Variants in ACD observed in about 807,000 individuals in gnomAD.
The protein encoded by ACD is adrenocortical dysplasia protein homolog.
A neutral mutation model predicts 53.9 loss-of-function variants in ACD; 39 were observed. The observed-to-expected ratio is 0.72, with a 90% CI of 0.56 to 0.95. The LOEUF (loss-of-function observed/expected upper bound fraction) is 0.95, where lower values mean the gene tolerates loss of function less well. Among genes scored for constraint, ACD ranks in the 40% least tolerant of loss-of-function variants. The probability of loss-of-function intolerance (pLI) is 0.00; values close to 1 mark genes in which losing one functional copy is unlikely to be tolerated. For synonymous variants in ACD, 273 were observed against 249.2 expected, an observed-to-expected ratio of 1.10 and a Z score of -0.90; for missense variants, 526 against 587.9, an observed-to-expected ratio of 0.89 and a Z score of 1.09.
chr16:67,658,342 G>C lies in ACD; in HGVS notation c.850C>G (p.His284Asp). 6.2e-7 allele frequency: 1 copy of C among 1,613,720 alleles called. No homozygotes were observed. The highest frequency in any genetic ancestry group is 8.5e-7 in the Non-Finnish European group (1 of 1,179,930). Reference protein sequence around the residue: ...SSSGTPALPGHMSSEESGTSI... With the variant: ...SSSGTPALPGDMSSEESGTSI... ...GTACCACTTTCCTCGGATGACATGT[G>C]GCCGGGTAAGGCCGGGGTTCCTGAG... is the stretch of plus-strand genomic sequence containing the variant. Residue 284 changes from histidine (H) to aspartate (D), a missense_variant, in exon 10 of 12, where the codon CAC becomes GAC. Coordinates refer to ENST00000620761, the MANE Select transcript of ACD (RefSeq NM_001082486.2).
rs900746307 is a variant in ACD at position 67,659,860 on chromosome 16, T to C, written c.242+43A>G. 5.1e-6 allele frequency: 8 copies of C among 1,580,458 alleles called. No individual in the cohort carries two copies. The African/African-American group carries it at 9.4e-5, about 19-fold the overall frequency. ...CACAAGGCCCGCCCACCTCGCGCTC[T>C]CCTGCCGGACTCCGACCTCCAGAGC... is the stretch of plus-strand genomic sequence containing the variant. On this transcript the variant is annotated intron_variant, in intron 2 of 11. Coordinates refer to ENST00000620761, the MANE Select transcript of ACD (RefSeq NM_001082486.2).
chr16:67,660,117 C>T lies in ACD; in HGVS notation c.99+5G>A, dbSNP rs1171357998. 1.2e-6 allele frequency: 2 copies of T among 1,612,494 alleles called. No individual in the cohort carries two copies. The highest frequency in any genetic ancestry group is 1.7e-6 in the Non-Finnish European group (2 of 1,179,898). On this transcript the variant is annotated splice_donor_5th_base_variant and intron_variant, in intron 1 of 11. Transcript: ENST00000620761. ...TCGGTCTCCGGGCCCTGAATGGGGGCTCACCTCAAGCAGCTGCCCGGCTCG... is the reference window on the plus strand; with the variant it reads ...TCGGTCTCCGGGCCCTGAATGGGGGTTCACCTCAAGCAGCTGCCCGGCTCG...
chr16:67,659,220 C>G lies in ACD; in HGVS notation c.493+9G>C. 1 of 1,614,132 alleles carries G rather than the reference C, an allele frequency of 6.2e-7. No individual in the cohort carries two copies. On this transcript the variant is annotated intron_variant, in intron 6 of 11. Transcript: ENST00000620761. Reference sequence around the variant, plus strand: ...GCGTGTTAGGATCACTGGTCAAGCTCTACAGTACCTGCATTGGACGAGGTG... The same window carrying G: ...GCGTGTTAGGATCACTGGTCAAGCTGTACAGTACCTGCATTGGACGAGGTG...
intron 2 of ACD, 42 bp downstream of exon 2, chr16:67,659,861 C>T: frequency 6.3e-7 from 1 of 1,580,984 alleles, no homozygotes; most frequent in Non-Finnish European, 8.6e-7. Context: ...CTCGCGCTCT[C>T]CTGCCGGACT....
At chr16:67,658,680 G>T in intron 8 of ACD, 39 bp from the exon 9 acceptor site, 4 of 1,593,302 alleles carry the variant, frequency 2.5e-6, no homozygotes, top group Non-Finnish European at 3.4e-6. Context: ...CTGTGGACCT[G>T]GGCCCCAGGT....
At position 67,658,748 on chromosome 16, in the gene ACD, G is replaced by A; in HGVS notation, c.714C>T (p.Ser238=). 1 of 1,613,426 alleles carries A rather than the reference G, an allele frequency of 6.2e-7. No individual in the cohort carries two copies. The highest frequency in any genetic ancestry group is 8.5e-7 in the Non-Finnish European group (1 of 1,179,666). Residue 238 remains serine (S), a synonymous_variant, in exon 8 of 12, where the codon AGC becomes AGT. Coordinates refer to ENST00000620761, the MANE Select transcript of ACD (RefSeq NM_001082486.2). The part of the protein sequence containing the change: ...CISENDQLIL[S]SLGPCQRTQG... ...GTGTCCTCTGACAGGGGCCTAGAGA[G>A]CTCAGAATTAGCTGGTCATTCTCAG... is the stretch of plus-strand genomic sequence containing the variant.
intron 6 of ACD, 41 bp downstream of exon 6, chr16:67,659,188 C>G (rs775693267): frequency 6.2e-7 from 1 of 1,613,850 alleles, no homozygotes; most frequent in Admixed American, 1.7e-5. Context: ...GGAGAGATCA[C>G]TGCACAGCGT....
rs770264226 is a variant in ACD at position 67,657,701 on chromosome 16, G to A, written c.1299-17C>T. The A allele has an allele frequency of 5.6e-6, 9 of 1,614,084 alleles. No individual in the cohort carries two copies. The highest frequency in any genetic ancestry group is 3.3e-4 in the Middle Eastern group (2 of 6,062). Reference sequence around the variant, plus strand: ...GGAGGAAGCCTGGAAAGAAACCACCGCTGCAGGTCAATGGAGCCTGGGACT... The same window carrying A: ...GGAGGAAGCCTGGAAAGAAACCACCACTGCAGGTCAATGGAGCCTGGGACT... On this transcript the variant is annotated splice_polypyrimidine_tract_variant and intron_variant, in intron 11 of 11. Coordinates refer to ENST00000620761, the MANE Select transcript of ACD (RefSeq NM_001082486.2). This position sits in a 1 kb window ranked among gnomAD's most constrained non-coding sequence, Gnocchi z 4.5.
In ACD at chr16:67,657,700, C is replaced by T. The variant is rs746378955; in HGVS notation, c.1299-16G>A. On this transcript the variant is annotated splice_polypyrimidine_tract_variant and intron_variant, in intron 11 of 11. Coordinates refer to ENST00000620761, the MANE Select transcript of ACD (RefSeq NM_001082486.2). The surrounding 1 kb of genome is among the most constrained non-coding windows in gnomAD (Gnocchi z 4.5). ...GGGAGGAAGCCTGGAAAGAAACCAC[C>T]GCTGCAGGTCAATGGAGCCTGGGAC... 3.2e-5 allele frequency: 51 copies of T among 1,614,110 alleles called. No homozygotes were observed. The highest frequency in any genetic ancestry group is 1.8e-4 in the East Asian group (8 of 44,886).
rs769728392 is a variant in ACD, at chr16:67,659,958, C to T, written c.187G>A (p.Gly63Arg). 6.2e-7 allele frequency: 1 copy of T among 1,608,648 alleles called. No individual in the cohort carries two copies. Among genetic ancestry groups the T allele is most frequent in the African/African-American group, 1.3e-5 (1 of 75,010 alleles). The change falls in exon 2 of 12, where the codon GGG becomes AGG. Residue 63 changes from glycine to arginine, a missense_variant. Coordinates refer to ENST00000620761, the MANE Select transcript of ACD (RefSeq NM_001082486.2). ...ACCAGGCATCGGACACTGTGGGTCC[C>T]GTCAGACACAAGCAGCGTGGCCCCG... ...DVGATLLVSD[G>R]THSVRCLVTR...
chr16:67,657,882 G>A lies in ACD; in HGVS notation c.1207-29C>T, dbSNP rs755602761. The A allele has an allele frequency of 3.7e-6, 6 of 1,613,646 alleles. No individual in the cohort carries two copies. In the South Asian group the frequency reaches 5.5e-5, roughly 15 times the overall value. ...AAAGGGGTATGGTGTCTGGGGAAGA[G>A]CTAACAAGGACCCCAACCCCATCCA... On this transcript the variant is annotated intron_variant, in intron 10 of 11. Coordinates refer to ENST00000620761, the MANE Select transcript of ACD (RefSeq NM_001082486.2). The surrounding 1 kb of genome is among the most constrained non-coding windows in gnomAD (Gnocchi z 4.5).
rs1218184476 is a variant in ACD at position 67,660,155 on chromosome 16, T to C, written c.66A>G (p.Thr22=). ...GCTGCCCGGCTCGTGGACTGGAGGG[T>C]GTCTCTGACCCCAGAATCAGCTCCC... is the stretch of plus-strand genomic sequence containing the variant. ...WIRELILGSE[T]PSSPRAGQLL... is the part of the protein sequence containing the mutation. The change falls in exon 1 of 12, where the codon ACA becomes ACG. Residue 22 remains threonine, a synonymous_variant. Transcript: ENST00000620761. The C allele has an allele frequency of 6.2e-7, 1 of 1,612,256 alleles. No homozygotes were observed. Among genetic ancestry groups the C allele is most frequent in the South Asian group, 1.1e-5 (1 of 91,066 alleles).
In ACD at chr16:67,658,290, G is replaced by A. The variant is rs532542932; in HGVS notation, c.902C>T (p.Ser301Phe). 2 of 1,613,862 alleles carry A rather than the reference G, an allele frequency of 1.2e-6. No individual in the cohort carries two copies. The highest frequency in any genetic ancestry group is 2.2e-5 in the South Asian group (2 of 91,088). ...GTSISLLPALSLAAPDPGQRS... is the reference protein window; with the variant it reads ...GTSISLLPALFLAAPDPGQRS... Reference sequence around the variant, plus strand: ...CTGCCCTGGGTCTGGAGCAGCCAAGGACAGGGCAGGCAGAAGGCTGATGCT... The same window carrying A: ...CTGCCCTGGGTCTGGAGCAGCCAAGAACAGGGCAGGCAGAAGGCTGATGCT... The change falls in exon 10 of 12, where the codon TCC (serine) becomes TTC (phenylalanine). Residue 301 changes from serine to phenylalanine, a missense_variant. Physicochemically the swap from Ser to Phe is radical, Grantham distance 155. Coordinates refer to ENST00000620761, the MANE Select transcript of ACD (RefSeq NM_001082486.2).
At position 67,658,660 on chromosome 16, in the gene ACD, C is replaced by T. The variant is rs770033683; in HGVS notation, c.743-19G>A. ...TCAGGGCCTGGGGGGTTCAGGAAGT[C>T]TTATCAGCACTGTGGACCTGGGCCC... On this transcript the variant is annotated intron_variant, in intron 8 of 11. Coordinates refer to ENST00000620761, the MANE Select transcript of ACD (RefSeq NM_001082486.2). 6.3e-7 allele frequency: 1 copy of T among 1,582,688 alleles called. No individual in the cohort carries two copies. The highest frequency in any genetic ancestry group is 8.6e-7 in the Non-Finnish European group (1 of 1,162,156).
At chr16:67,658,865 G>A (rs779133311) in intron 7 of ACD, 49 bp from the exon 8 acceptor site, 3 of 1,603,074 alleles carry the variant, frequency 1.9e-6, no homozygotes, top group Admixed American at 1.7e-5. Context: ...CTCATGTCCT[G>A]TGGGATATGA....
rs1261453540 is a variant in ACD at position 67,657,986 on chromosome 16, C to T, written c.1206G>A (p.Trp402Ter). The T allele has an allele frequency of 6.4e-7, 1 of 1,569,294 alleles. No homozygotes were observed. Residue 402 changes from tryptophan to a stop codon, truncating the protein, a stop_gained and splice_region_variant, in exon 10 of 12, where the codon TGG becomes TGA. Transcript: ENST00000620761. LOFTEE classifies it high-confidence loss of function. The surrounding 1 kb of genome is among the most constrained non-coding windows in gnomAD (Gnocchi z 4.5). ...TRGAQEPCSV[W>*]EPPKRHRDGS... ...CCAGCTGCAGAGGGGCTATGCTCAC[C>T]CAGACAGAGCAGGGCTCCTGGGCTC...
chr16:67,659,812 C>G lies in ACD; in HGVS notation c.243-17G>C, dbSNP rs749300002. 1 of 1,598,602 alleles carries G rather than the reference C, an allele frequency of 6.3e-7. No individual in the cohort carries two copies. The highest frequency in any genetic ancestry group is 1.1e-5 in the South Asian group (1 of 89,852). On this transcript the variant is annotated splice_polypyrimidine_tract_variant and intron_variant, in intron 2 of 11. Coordinates refer to ENST00000620761, the MANE Select transcript of ACD (RefSeq NM_001082486.2). ...TTCTCCTCCCTGCAACAAGCAGGAT[C>G]CTCACTGCCGGGCCCACCTGAACAC... is the stretch of plus-strand genomic sequence containing the variant.
At position 67,657,652 on chromosome 16, in the gene ACD, T is replaced by G; in HGVS notation, c.1331A>C (p.His444Pro). 1 of 1,614,100 alleles carries G rather than the reference T, an allele frequency of 6.2e-7. No individual in the cohort carries two copies. The highest frequency in any genetic ancestry group is 8.5e-7 in the Non-Finnish European group (1 of 1,180,028). The part of the protein sequence containing the change: ...LPPQLMAWAL[H>P]FLMDAQPGSE... ...CCCTGGCTGTGCATCCATCAGAAAGTGCAAGGCCCAGGCCATGAGCTGGGG... is the reference window on the plus strand; with the variant it reads ...CCCTGGCTGTGCATCCATCAGAAAGGGCAAGGCCCAGGCCATGAGCTGGGG... Residue 444 changes from histidine to proline, a missense_variant, in exon 12 of 12, where the codon CAC becomes CCC. By Grantham distance (77) the His-to-Pro change is moderately conservative (BLOSUM62 -2). Transcript: ENST00000620761. The surrounding 1 kb of genome is among the most constrained non-coding windows in gnomAD (Gnocchi z 4.5).
rs1246930718 is a variant in ACD at position 67,659,981 on chromosome 16, C to A, written c.164G>T (p.Gly55Val). The A allele has an allele frequency of 5.6e-6, 9 of 1,608,962 alleles. No homozygotes were observed. In the South Asian group the frequency reaches 8.8e-5, roughly 16 times the overall value. ...CCCGTCAGACACAAGCAGCGTGGCC[C>A]CGACGTCGGACGTATCAGGGGCGTG... ...PSHAPDTSDV[G>V]ATLLVSDGTH... Residue 55 changes from glycine to valine, a missense_variant, in exon 2 of 12, where the codon GGG (glycine) becomes GTG (valine). Transcript: ENST00000620761.
Sources: allele counts gnomAD v4.1 joint callset, GRCh38; gene constraint gnomAD v4.1.1; non-coding constraint Gnocchi (gnomAD v3.1); transcripts MANE v1.5; gene names NCBI Gene and HGNC (gene_info 2026-07-23, HGNC 2026-07-21).